PAX2: variants seen among roughly 807,000 people sequenced by gnomAD.
The protein encoded by PAX2 is paired box protein Pax-2.
A neutral mutation model predicts 41.7 loss-of-function variants in PAX2; 9 were observed. That is an observed-to-expected ratio of 0.22 (90% CI 0.13 to 0.38). PAX2 has a LOEUF of 0.38. Among genes scored for constraint, PAX2 ranks in the 10% least tolerant of loss-of-function variants. The probability of loss-of-function intolerance (pLI) is 1.00; values close to 1 mark genes in which losing one functional copy is unlikely to be tolerated. For missense variants in PAX2, 418 were observed against 531.6 expected (o/e 0.79, Z 2.10); for synonymous variants, 221 against 212.7 (o/e 1.04, Z -0.34).
rs1452487268 is a variant in PAX2, at chr10:100,748,271, T to C, written c.44-1475T>C. ...GTTCTCCCGGGGCCTAAATTATTGA[T>C]GGTCGGGGTTTGGAGGGAGGGGAGG... On this transcript the variant is annotated intron_variant, in intron 1 of 9. Transcript: ENST00000355243. The surrounding 1 kb of genome is among the most constrained non-coding windows in gnomAD (Gnocchi z 5.0). 12 of 982,368 alleles carry C rather than the reference T, an allele frequency of 1.2e-5. No individual in the cohort carries two copies. Among genetic ancestry groups the C allele is most frequent in the Non-Finnish European group, 1.4e-5 (12 of 829,004 alleles). The allele number at this position is 982,368 out of a possible 1,614,324, so 60.9% of individuals were successfully genotyped here.
intron 7 of PAX2, among the ~76,000 whole-genome samples, chr10:100,816,769 T>C (rs1848199501): frequency 6.6e-6 from 1 of 152,130 alleles, no homozygotes; most frequent in African/African-American, 2.4e-5. Flanking sequence ...TGAGAGGGCT[T>C]TGCATGCCTT....
At chr10:100,793,824 C>G (rs773062788) in intron 5 of PAX2, among the ~76,000 whole-genome samples, 1 of 152,166 alleles carries the variant, frequency 6.6e-6, no homozygotes, top group Non-Finnish European at 1.5e-5. Context: ...AATGTGGGCC[C>G]AGGTGCCCAG....
intron 3 of PAX2, among the ~76,000 whole-genome samples, chr10:100,755,899 G>C (rs1845608951): frequency 6.6e-6 from 1 of 152,206 alleles, no homozygotes; most frequent in South Asian, 2.1e-4. Flanking sequence ...ATTAGGGAAG[G>C]GGTGGAGATG....
At chr10:100,804,271 T>TACACAC (rs10639967) in intron 5 of PAX2, among the ~76,000 whole-genome samples, 5,684 of 147,776 alleles carry the variant, frequency 0.038, 120 homozygotes, top group African/African-American at 0.048. Flanking sequence ...GTTCAGCCCC[T>TACACAC]ACACACACAC....
chr10:100,777,248 C>T (rs1174771391), intron 3 of PAX2, among the ~76,000 whole-genome samples: 1 of 148,994 alleles, frequency 6.7e-6, no homozygotes, highest in Non-Finnish European at 1.5e-5. Flanking sequence ...ATTACAGGTG[C>T]ATACCACCAC....
rs369843606 is a variant in PAX2, at chr10:100,812,688, C to T, written c.919+3452C>T. On this transcript the variant is annotated intron_variant, in intron 7 of 9. Coordinates refer to ENST00000355243, the MANE Select transcript of PAX2 (RefSeq NM_000278.5). ...TAGCATTCTCACCTTGACCCCCCCTCCCCATGTCTGGCCGGGGCTCCAGTG... is the reference window on the plus strand; with the variant it reads ...TAGCATTCTCACCTTGACCCCCCCTTCCCATGTCTGGCCGGGGCTCCAGTG... Among the ~76,000 whole-genome samples, 14 of 152,342 alleles carry T rather than the reference C, an allele frequency of 9.2e-5. No individual in the cohort carries two copies. The East Asian group carries it at 1.7e-3, about 19-fold the overall frequency.
At chr10:100,742,426 GGCAGTA>G (rs927515817), upstream of PAX2, among the ~76,000 whole-genome samples, 3 of 151,802 alleles carry the variant, frequency 2.0e-5, no homozygotes, top group Non-Finnish European at 4.4e-5. Flanking sequence ...AAACCAGGCC[GGCAGTA>G]GCTCGGCCTG....
At chr10:100,776,486 A>G (rs185092294) in intron 3 of PAX2, among the ~76,000 whole-genome samples, 1 of 152,318 alleles carries the variant, frequency 6.6e-6, no homozygotes, top group East Asian at 1.9e-4. Flanking sequence ...TTTCCTCTGC[A>G]ATTAATTCTC....
rs1848694285 is a variant in PAX2 at position 100,829,204 on chromosome 10, C to T, written c.*1585C>T. 4.3e-6 allele frequency: 1 copy of T among 232,456 alleles called. No individual in the cohort carries two copies. Among genetic ancestry groups the T allele is most frequent in the African/African-American group, 2.2e-5 (1 of 45,230 alleles). The allele number at this position is 232,456 out of a possible 1,614,324, so 14.4% of individuals were successfully genotyped here. ...CTTTCTCTGTAATTCCGTGTTTTCG[C>T]TTTTTCCTCCCTGCCCCTCTCTCCC... On this transcript the variant is annotated 3_prime_UTR_variant, in exon 10 of 10. Transcript: ENST00000355243.
At chr10:100,756,487 A>C (rs1845636698) in intron 3 of PAX2, among the ~76,000 whole-genome samples, 1 of 152,240 alleles carries the variant, frequency 6.6e-6, no homozygotes, top group Non-Finnish European at 1.5e-5. Context: ...CTTTCAATAC[A>C]GTATTCAATA....
intron 7 of PAX2, among the ~76,000 whole-genome samples, chr10:100,810,389 A>G (rs76965764): frequency 0.068 from 10,379 of 152,266 alleles, 529 homozygotes; most frequent in African/African-American, 0.13. Flanking sequence ...TACTGGTACA[A>G]CTGTTTCCAG....
upstream of PAX2, among the ~76,000 whole-genome samples, chr10:100,745,339 G>C (rs1450939035): frequency 2.2e-5 from 3 of 138,166 alleles, no homozygotes; most frequent in Non-Finnish European, 1.6e-5. Flanking sequence ...TTCCTTCGCC[G>C]GCTGCTCCCT....
In PAX2 at chr10:100,748,511, G is replaced by A; in HGVS notation, c.44-1235G>A. On this transcript the variant is annotated intron_variant, in intron 1 of 9. Transcript: ENST00000355243. This position sits in a 1 kb window ranked among gnomAD's most constrained non-coding sequence, Gnocchi z 5.0. Reference sequence around the variant, plus strand: ...ACTCGCGTGAGGCTAGCGGGGCAGGGGCTGCAGCTTGCCAGTCCGGGCCGA... The same window carrying A: ...ACTCGCGTGAGGCTAGCGGGGCAGGAGCTGCAGCTTGCCAGTCCGGGCCGA... 5.1e-6 allele frequency: 5 copies of A among 985,312 alleles called. No individual in the cohort carries two copies. The highest frequency in any genetic ancestry group is 4.8e-6 in the Non-Finnish European group (4 of 829,894). 61.0% of individuals were successfully genotyped at this position (985,312 alleles called of 1,614,324 possible).
Position 100,745,954 on chromosome 10 carries a change from C to A in PAX2, c.-307C>A. On this transcript the variant is annotated 5_prime_UTR_variant, in exon 1 of 10. Coordinates refer to ENST00000355243, the MANE Select transcript of PAX2 (RefSeq NM_000278.5). ...TTCAGCCCTGGCTGCAGCTGCAGCG[C>A]GAGCCATGCGCCCCCAGTGCACCCC... The A allele has an allele frequency of 7.8e-7, 1 of 1,286,180 alleles. No homozygotes were observed. The highest frequency in any genetic ancestry group is 9.8e-7 in the Non-Finnish European group (1 of 1,017,080). The allele number at this position is 1,286,180 out of a possible 1,614,324, so 79.7% of individuals were successfully genotyped here.
chr10:100,739,565 A>C (rs1339745394), intron 1 of PAX2, among the ~76,000 whole-genome samples: 1 of 151,824 alleles, frequency 6.6e-6, no homozygotes, highest in Non-Finnish European at 1.5e-5. Context: ...GCGCGCGCTC[A>C]CCCGCGGGGA....
At chr10:100,772,275 T>C (rs1846242663) in intron 3 of PAX2, among the ~76,000 whole-genome samples, 1 of 151,968 alleles carries the variant, frequency 6.6e-6, no homozygotes. Context: ...CACCTCAGCC[T>C]CCCGAGTAGC....
intron 5 of PAX2, among the ~76,000 whole-genome samples, chr10:100,786,666 A>T (rs1433608120): frequency 1.3e-5 from 2 of 152,122 alleles, no homozygotes; most frequent in Non-Finnish European, 2.9e-5. Flanking sequence ...GCCAGGCCTC[A>T]GTGTGTTGAG....
At chr10:100,790,558 C>T (rs1031211808) in intron 5 of PAX2, among the ~76,000 whole-genome samples, 2 of 152,344 alleles carry the variant, frequency 1.3e-5, no homozygotes, top group South Asian at 2.1e-4. Context: ...AGGAGATGAG[C>T]GCCGAAGCTA....
chr10:100,796,352 G>A (rs1847337555), intron 5 of PAX2, among the ~76,000 whole-genome samples: 1 of 151,916 alleles, frequency 6.6e-6, no homozygotes, highest in Non-Finnish European at 1.5e-5. Context: ...CTTAATATAG[G>A]ACCATTTTCA....
Sources: gnomAD v4.1 joint callset for allele counts (sites outside exome capture counted in the v4.1 genomes callset) on GRCh38, gnomAD v4.1.1 for gene constraint, Gnocchi (gnomAD v3.1) non-coding constraint, MANE v1.5 for transcripts, NCBI Gene and HGNC (gene_info 2026-07-23, HGNC 2026-07-21) for gene names.